Variants in VWC2L observed in about 807,000 individuals in gnomAD.
The protein encoded by VWC2L is von Willebrand factor C domain containing 2 like, also known as von Willebrand factor C domain-containing protein 2-like.
In VWC2L, 10 loss-of-function variants were observed where a neutral mutation model predicts 21.6. That is an observed-to-expected ratio of 0.46 (90% CI 0.29 to 0.78). The LOEUF is 0.78. Ranked by LOEUF, VWC2L falls within the 30% of genes least tolerant of loss-of-function variation. The pLI, the probability that VWC2L is intolerant of heterozygous loss-of-function variation, is 0.10. For missense variants in VWC2L, 209 were observed against 277.1 expected, an observed-to-expected ratio of 0.75 and a Z score of 1.74; for synonymous variants, 96 against 94.3, an observed-to-expected ratio of 1.02 and a Z score of -0.10.
At chr2:214,524,489 T>G (rs926796866) in intron 3 of VWC2L, among the ~76,000 whole-genome samples, 4 of 152,222 alleles carry the variant, frequency 2.6e-5, no homozygotes, top group African/African-American at 9.6e-5. Context: ...GGGATTAAAC[T>G]AGAAGGACCT....
chr2:214,563,200 A>G (rs1690003670), intron 3 of VWC2L, among the ~76,000 whole-genome samples: 1 of 152,098 alleles, frequency 6.6e-6, no homozygotes, highest in African/African-American at 2.4e-5. Flanking sequence ...AGCACCATTT[A>G]TTAAATATGG....
chr2:214,505,385 T>C (rs1324089294), intron 3 of VWC2L, among the ~76,000 whole-genome samples: 2 of 152,212 alleles, frequency 1.3e-5, no homozygotes, highest in African/African-American at 4.8e-5. Context: ...TGTACTACTC[T>C]ATAATTTGTT....
chr2:214,485,142 C>T (rs1357019721), intron 3 of VWC2L, among the ~76,000 whole-genome samples: 2 of 151,916 alleles, frequency 1.3e-5, no homozygotes, highest in African/African-American at 4.8e-5. Context: ...CATGGTGAAA[C>T]CCCATCTCTA....
intron 3 of VWC2L, among the ~76,000 whole-genome samples, chr2:214,482,611 A>C (rs1277934239): frequency 6.7e-6 from 1 of 150,030 alleles, no homozygotes; most frequent in African/African-American, 2.4e-5. Flanking sequence ...CAGTTTGAAG[A>C]GAGAGAAAAA....
chr2:214,483,654 C>G (rs528914793), intron 3 of VWC2L, among the ~76,000 whole-genome samples: 247 of 152,284 alleles, frequency 1.6e-3, no homozygotes, highest in Non-Finnish European at 3.2e-3. Context: ...TGACTTACAG[C>G]TAATTAGAAC....
At chr2:214,469,286 C>A (rs1235804338) in intron 3 of VWC2L, among the ~76,000 whole-genome samples, 1 of 152,142 alleles carries the variant, frequency 6.6e-6, no homozygotes, top group East Asian at 1.9e-4. Context: ...CAGGTCTATA[C>A]CTCCTCACTA....
intron 3 of VWC2L, among the ~76,000 whole-genome samples, chr2:214,562,322 G>A (rs1295752985): frequency 2.0e-5 from 3 of 152,148 alleles, no homozygotes; most frequent in Non-Finnish European, 4.4e-5. Flanking sequence ...AAGACGTGAT[G>A]TCATTCCATT....
At chr2:214,422,452 T>TA (rs1702456957) in intron 2 of VWC2L, among the ~76,000 whole-genome samples, 1 of 152,214 alleles carries the variant, frequency 6.6e-6, no homozygotes, top group African/African-American at 2.4e-5. Context: ...CATCTTAATT[T>TA]ATACATCAGG....
At chr2:214,479,669 G>A (rs1688574144) in intron 3 of VWC2L, among the ~76,000 whole-genome samples, 1 of 152,154 alleles carries the variant, frequency 6.6e-6, no homozygotes, top group Admixed American at 6.5e-5. Context: ...GCTGGGTATG[G>A]TGGCGGGTGC....
chr2:214,490,565 G>A (rs1282210671), intron 3 of VWC2L, among the ~76,000 whole-genome samples: 1 of 152,134 alleles, frequency 6.6e-6, no homozygotes, highest in African/African-American at 2.4e-5. Flanking sequence ...AACCAAATAA[G>A]CAGCTACTAC....
At chr2:214,516,730 T>C (rs1689150100) in intron 3 of VWC2L, among the ~76,000 whole-genome samples, 1 of 152,064 alleles carries the variant, frequency 6.6e-6, no homozygotes, top group Non-Finnish European at 1.5e-5. Flanking sequence ...GGGTCTTCTT[T>C]ACCAACAAGA....
At chr2:214,479,676 G>T (rs1268045976) in intron 3 of VWC2L, among the ~76,000 whole-genome samples, 4 of 152,082 alleles carry the variant, frequency 2.6e-5, no homozygotes, top group African/African-American at 7.2e-5. Flanking sequence ...ATGGTGGCGG[G>T]TGCCTGTAAT....
chr2:214,513,899 T>C (rs144489341), intron 3 of VWC2L, among the ~76,000 whole-genome samples: 2,050 of 152,220 alleles, frequency 0.013, 28 homozygotes, highest in Non-Finnish European at 0.023. Context: ...GTAGCAGCCA[T>C]ATTGCCCTCT....
chr2:214,498,132 T>C (rs1484722264), intron 3 of VWC2L, among the ~76,000 whole-genome samples: 1 of 152,158 alleles, frequency 6.6e-6, no homozygotes, highest in Non-Finnish European at 1.5e-5. Flanking sequence ...GAGAAGCACC[T>C]AGGAGATGTT....
chr2:214,486,967 T>C (rs1362306602), intron 3 of VWC2L, among the ~76,000 whole-genome samples: 3 of 152,166 alleles, frequency 2.0e-5, no homozygotes, highest in African/African-American at 7.2e-5. Context: ...GGAAATAGGG[T>C]CTGTAAAGAG....
intron 3 of VWC2L, among the ~76,000 whole-genome samples, chr2:214,497,176 G>T (rs531963246): frequency 1.3e-5 from 2 of 150,574 alleles, no homozygotes; most frequent in Admixed American, 1.3e-4. Context: ...TTGGCTTCAG[G>T]CATGTAACAT....
chr2:214,487,368 C>G (rs1339144654), intron 3 of VWC2L, among the ~76,000 whole-genome samples: 1 of 151,888 alleles, frequency 6.6e-6, no homozygotes, highest in Non-Finnish European at 1.5e-5. Context: ...GCGCCAAGCT[C>G]TGGTCAGTTG....
At chr2:214,549,538 G>A (rs78987832) in intron 3 of VWC2L, among the ~76,000 whole-genome samples, 6,529 of 152,282 alleles carry the variant, frequency 0.043, 484 homozygotes, top group African/African-American at 0.15. Flanking sequence ...ACTTTGGGAC[G>A]TCAAGACAGG....
chr2:214,562,160 C>G (rs892805892), intron 3 of VWC2L, among the ~76,000 whole-genome samples: 1 of 151,996 alleles, frequency 6.6e-6, no homozygotes, highest in Non-Finnish European at 1.5e-5. Flanking sequence ...CCCAACTACA[C>G]CCCCCAACAG....
Sources: gnomAD v4.1 joint callset for allele counts (sites outside exome capture counted in the v4.1 genomes callset) on GRCh38, gnomAD v4.1.1 for gene constraint, MANE v1.5 for transcripts, NCBI Gene and HGNC (gene_info 2026-07-23, HGNC 2026-07-21) for gene names.